HCRTR2: variants seen among roughly 807,000 people sequenced by gnomAD.
HCRTR2 encodes orexin receptor type 2.
Under a neutral mutation model 49.0 loss-of-function variants are expected in HCRTR2, and 22 were observed. The observed-to-expected ratio is 0.45, with a 90% CI of 0.32 to 0.64. HCRTR2 has a LOEUF of 0.64. Ranked by LOEUF, HCRTR2 falls within the 30% of genes least tolerant of loss-of-function variation. HCRTR2 has a pLI of 0.04. For synonymous variants in HCRTR2, 236 were observed against 205.3 expected (o/e 1.15, Z -1.28); for missense variants, 491 against 559.4 (o/e 0.88, Z 1.23).
intron 1 of HCRTR2, among the ~76,000 whole-genome samples, chr6:55,202,875 T>C (rs1414324192): frequency 3.9e-5 from 6 of 152,130 alleles, no homozygotes; most frequent in Non-Finnish European, 8.8e-5. Flanking sequence ...GGATAAGTGG[T>C]ATGAGGAAAA....
At chr6:55,193,745 A>T (rs756749651) in intron 1 of HCRTR2, among the ~76,000 whole-genome samples, 39 of 152,160 alleles carry the variant, frequency 2.6e-4, no homozygotes, top group Admixed American at 1.8e-3. Flanking sequence ...TAGTTGATTT[A>T]AAAAAAGGTC....
intron 1 of HCRTR2, among the ~76,000 whole-genome samples, chr6:55,204,525 G>A (rs867991579): frequency 1.8e-4 from 28 of 152,304 alleles, no homozygotes; most frequent in Middle Eastern, 6.8e-3. Flanking sequence ...TTTTGTAGGT[G>A]TTGTGGTGAT....
chr6:55,205,649 AT>A (rs1332039851), intron 1 of HCRTR2, among the ~76,000 whole-genome samples: 1 of 152,156 alleles, frequency 6.6e-6, no homozygotes, highest in African/African-American at 2.4e-5. Flanking sequence ...ATTAAAAAAA[AT>A]AAAAAAAGAA....
At chr6:55,241,884 T>TTTTTTTTTTTTTTTTTTA (rs1766340646) in intron 1 of HCRTR2, among the ~76,000 whole-genome samples, 1 of 142,124 alleles carries the variant, frequency 7.0e-6, no homozygotes, top group African/African-American at 2.8e-5. Context: ...TTTTTTTTTT[T>TTTTTTTTTTTTTTTTTTA]GTGAGAGGGA....
intron 1 of HCRTR2, among the ~76,000 whole-genome samples, chr6:55,163,136 C>T (rs1025608124): frequency 6.6e-6 from 1 of 151,884 alleles, no homozygotes; most frequent in Non-Finnish European, 1.5e-5. Context: ...CTTGGAGAGG[C>T]TGAGGCAGGA....
At chr6:55,189,554 A>G (rs1482338928) in intron 1 of HCRTR2, among the ~76,000 whole-genome samples, 1 of 152,218 alleles carries the variant, frequency 6.6e-6, no homozygotes, top group Admixed American at 6.5e-5. Flanking sequence ...AAAACTAAAC[A>G]CTGCATGTTC....
chr6:55,144,036 G>A lies in HCRTR2; in HGVS notation c.-377-30175G>A, dbSNP rs564969298. ...GGGAACCACAACAGAGCTTGATAGC[G>A]ATGCATTTCATTTCAGTTCTTTTAT... On this transcript the variant is annotated intron_variant, in intron 1 of 7. Transcript: ENST00000615358. Among the ~76,000 whole-genome samples the A allele has an allele frequency of 5.3e-5, 8 of 150,632 alleles. No homozygotes were observed. The East Asian group carries it at 1.4e-3, about 26-fold the overall frequency.
At chr6:55,215,286 A>G (rs1765767544) in intron 1 of HCRTR2, among the ~76,000 whole-genome samples, 1 of 152,202 alleles carries the variant, frequency 6.6e-6, no homozygotes, top group Admixed American at 6.5e-5. Flanking sequence ...TACATATTCA[A>G]AGAGCTGAAA....
chr6:55,244,035 T>C (rs886148851), intron 1 of HCRTR2, among the ~76,000 whole-genome samples: 3 of 152,052 alleles, frequency 2.0e-5, no homozygotes, highest in Non-Finnish European at 4.4e-5. Context: ...GACAGAGGAA[T>C]GGCATGAGTG....
At chr6:55,265,653 C>A (rs1198883049) in intron 4 of HCRTR2, among the ~76,000 whole-genome samples, 1 of 152,114 alleles carries the variant, frequency 6.6e-6, no homozygotes. Context: ...AGACATCACA[C>A]ATCACAGGGT....
At chr6:55,172,819 A>G (rs922893779), upstream of HCRTR2, among the ~76,000 whole-genome samples, 3 of 150,964 alleles carry the variant, frequency 2.0e-5, no homozygotes, top group Non-Finnish European at 4.4e-5. Flanking sequence ...AAAAATTATG[A>G]TTGGAGGAGG....
chr6:55,141,062 C>T (rs568345933), intron 1 of HCRTR2, among the ~76,000 whole-genome samples: 5 of 152,036 alleles, frequency 3.3e-5, no homozygotes, highest in African/African-American at 7.2e-5. Flanking sequence ...AGGCCGGGTG[C>T]GACGGCTCAT....
chr6:55,233,650 G>A (rs778877021), intron 1 of HCRTR2, among the ~76,000 whole-genome samples: 6 of 152,042 alleles, frequency 3.9e-5, no homozygotes, highest in African/African-American at 7.2e-5. Flanking sequence ...AGGGAGGATC[G>A]TGCCACTGCA....
intron 4 of HCRTR2, among the ~76,000 whole-genome samples, chr6:55,268,089 T>C (rs1198898591): frequency 6.6e-6 from 1 of 152,164 alleles, no homozygotes; most frequent in Non-Finnish European, 1.5e-5. Context: ...TGGAGCAAAT[T>C]TGTTTTATAC....
chr6:55,228,966 T>C (rs1355167367), intron 1 of HCRTR2, among the ~76,000 whole-genome samples: 1 of 152,156 alleles, frequency 6.6e-6, no homozygotes, highest in African/African-American at 2.4e-5. Context: ...ATTAATCCAC[T>C]AAGTAGGGTT....
At chr6:55,284,611 TG>T (rs1435541599), downstream of HCRTR2, among the ~76,000 whole-genome samples, 1 of 152,240 alleles carries the variant, frequency 6.6e-6, no homozygotes, top group East Asian at 1.9e-4. Context: ...TCAACGTGGT[TG>T]GATGTCTGAA....
chr6:55,139,760 T>C (rs1764481449), intron 1 of HCRTR2, among the ~76,000 whole-genome samples: 1 of 152,176 alleles, frequency 6.6e-6, no homozygotes, highest in Non-Finnish European at 1.5e-5. Flanking sequence ...AAAAACCCTG[T>C]TTTCTCTAGA....
chr6:55,142,393 A>G (rs1181267534), intron 1 of HCRTR2, among the ~76,000 whole-genome samples: 1 of 147,110 alleles, frequency 6.8e-6, no homozygotes, highest in Non-Finnish European at 1.5e-5. Context: ...TATTTTTAAT[A>G]GAGAGGGGAT....
At chr6:55,218,214 C>T (rs185474382) in intron 1 of HCRTR2, among the ~76,000 whole-genome samples, 1 of 152,152 alleles carries the variant, frequency 6.6e-6, no homozygotes, top group Non-Finnish European at 1.5e-5. Context: ...CCCTTAAAGG[C>T]CCCACTTCTT....
Sources: gnomAD v4.1 joint callset for allele counts (sites outside exome capture counted in the v4.1 genomes callset) on GRCh38, gnomAD v4.1.1 for gene constraint, MANE v1.5 for transcripts, NCBI Gene and HGNC (gene_info 2026-07-23, HGNC 2026-07-21) for gene names.